Variants in CSMD1 observed in about 807,000 individuals in gnomAD.
CSMD1 encodes CUB and sushi domain-containing protein 1.
A neutral mutation model predicts 417.5 loss-of-function variants in CSMD1; 213 were observed. That is an observed-to-expected ratio of 0.51 (90% CI 0.46 to 0.57). The LOEUF (loss-of-function observed/expected upper bound fraction) is 0.57. Among genes scored for constraint, CSMD1 ranks in the 20% least tolerant of loss-of-function variants. The probability of loss-of-function intolerance (pLI) is 0.00; values close to 1 mark genes in which losing one functional copy is unlikely to be tolerated. For synonymous variants in CSMD1, 2,862 were observed against 1,736.8 expected (o/e 1.65, Z -16.11); for missense variants, 6,923 against 4,529.7 (o/e 1.53, Z -15.17).
At chr8:4,156,406 A>G (rs17069157) in intron 3 of CSMD1, among the ~76,000 whole-genome samples, 35,595 of 152,078 alleles carry the variant, frequency 0.23, 4,333 homozygotes, top group South Asian at 0.36. Flanking sequence ...AAATTTCTCA[A>G]TGAGTCTCTG....
At chr8:3,730,043 T>C (rs559641325) in intron 6 of CSMD1, among the ~76,000 whole-genome samples, 2 of 150,864 alleles carry the variant, frequency 1.3e-5, no homozygotes, top group South Asian at 4.2e-4. Context: ...TGCAAGTGTT[T>C]CCACAGGTCC....
At chr8:3,942,525 G>C (rs542553776) in intron 5 of CSMD1, among the ~76,000 whole-genome samples, 152 of 152,240 alleles carry the variant, frequency 1.0e-3, no homozygotes, top group African/African-American at 3.2e-3. Context: ...CTCAACCCAG[G>C]AGGACACCGG....
chr8:4,260,452 T>C (rs554608807), intron 3 of CSMD1, among the ~76,000 whole-genome samples: 21 of 152,244 alleles, frequency 1.4e-4, no homozygotes, highest in African/African-American at 4.1e-4. Context: ...TGAGTGTGGG[T>C]TGGGGATGTT....
intron 1 of CSMD1, among the ~76,000 whole-genome samples, chr8:4,871,414 C>T (rs752749733): frequency 3.4e-4 from 52 of 152,152 alleles, no homozygotes; most frequent in African/African-American, 1.3e-3. Context: ...TATCTAACAC[C>T]ATGAGTTCCA....
At chr8:3,420,288 C>A (rs1329202006) in intron 12 of CSMD1, among the ~76,000 whole-genome samples, 2 of 151,918 alleles carry the variant, frequency 1.3e-5, no homozygotes, top group Non-Finnish European at 2.9e-5. Flanking sequence ...CTACACAATA[C>A]CAACCAGGAC....
rs140194177 is a variant in CSMD1 at position 3,243,329 on chromosome 8, G to A, written c.4154-13098C>T. Among the ~76,000 whole-genome samples the A allele has an allele frequency of 9.4e-3, 1,426 of 152,254 alleles. 22 individuals are homozygous for A. Among genetic ancestry groups the A allele is most frequent in the African/African-American group, 0.032 (1,333 of 41,550 alleles). On this transcript the variant is annotated intron_variant, in intron 26 of 69. Transcript: ENST00000635120. ...AGTCACAGCACCACATTTCACTCGC[G>A]TCCATGTGAAGACACCACCAAACAG...
chr8:3,714,423 G>C (rs1024107235), intron 6 of CSMD1, among the ~76,000 whole-genome samples: 11 of 151,250 alleles, frequency 7.3e-5, no homozygotes, highest in Non-Finnish European at 1.5e-4. Flanking sequence ...TGGGAAAACA[G>C]TGTATTTAGA....
At chr8:4,139,883 G>A (rs897557738) in intron 3 of CSMD1, among the ~76,000 whole-genome samples, 4 of 150,922 alleles carry the variant, frequency 2.7e-5, no homozygotes, top group Non-Finnish European at 4.4e-5. Context: ...ATGTTCATCA[G>A]AAGCAAGGGT....
At chr8:3,405,345 C>G (rs985258730) in intron 15 of CSMD1, among the ~76,000 whole-genome samples, 1 of 152,090 alleles carries the variant, frequency 6.6e-6, no homozygotes, top group African/African-American at 2.4e-5. Flanking sequence ...TTAGAGGCAA[C>G]ATCTTTTTCC....
chr8:3,777,120 CTACA>C (rs1246090337), intron 5 of CSMD1, among the ~76,000 whole-genome samples: 11 of 43,966 alleles, frequency 2.5e-4, no homozygotes, highest in Non-Finnish European at 4.5e-4. Flanking sequence ...CTATCTATAC[CTACA>C]CACACACACA....
In CSMD1 at chr8:4,413,541, A is replaced by T. The variant is rs1796763112; in HGVS notation, c.415+6412T>A. On this transcript the variant is annotated intron_variant, in intron 3 of 69. Transcript: ENST00000635120. The stretch of plus-strand genomic sequence containing the variant: ...AGAAAATGTTAGTGTTCATGTACTG[A>T]CAGCACTAATTCTTTTAAAAAATTA... 2.6e-5 allele frequency among the ~76,000 whole-genome samples: 4 copies of T among 152,256 alleles called. No homozygotes were observed. The South Asian group carries it at 8.3e-4, about 32-fold the overall frequency.
rs528920251 is a variant in CSMD1, at chr8:3,332,356, C to T, written c.3631+10938G>A. Among the ~76,000 whole-genome samples the T allele has an allele frequency of 1.4e-4, 22 of 152,326 alleles. No individual in the cohort carries two copies. In the East Asian group the frequency reaches 2.7e-3, roughly 19 times the overall value. On this transcript the variant is annotated intron_variant, in intron 23 of 69. Transcript: ENST00000635120. ...AAGGTGGGGTTGCTGAGGGCTTGCC[C>T]GCTCCTCACCCACCTCCAGACATCT...
chr8:3,207,952 C>T (rs1797398052), intron 30 of CSMD1, among the ~76,000 whole-genome samples: 1 of 152,178 alleles, frequency 6.6e-6, no homozygotes, highest in South Asian at 2.1e-4. Flanking sequence ...GCTGGCATCA[C>T]TCACTCTACC....
At chr8:4,182,271 T>C (rs193264791) in intron 3 of CSMD1, among the ~76,000 whole-genome samples, 15 of 152,264 alleles carry the variant, frequency 9.9e-5, no homozygotes, top group Non-Finnish European at 1.5e-4. Flanking sequence ...ATCGTTTGCA[T>C]GATTTGTTTA....
At chr8:3,556,419 A>G (rs1799149929) in intron 10 of CSMD1, among the ~76,000 whole-genome samples, 2 of 146,010 alleles carry the variant, frequency 1.4e-5, no homozygotes, top group South Asian at 4.3e-4. Flanking sequence ...ATATATTCAC[A>G]CACACAAAGA....
At chr8:4,119,701 G>A (rs1348534755) in intron 3 of CSMD1, among the ~76,000 whole-genome samples, 4 of 152,202 alleles carry the variant, frequency 2.6e-5, no homozygotes, top group African/African-American at 7.2e-5. Context: ...GAACCACAGT[G>A]GGCTGGCAGT....
chr8:3,684,594 G>A (rs943137943), intron 7 of CSMD1, among the ~76,000 whole-genome samples: 13 of 137,584 alleles, frequency 9.4e-5, no homozygotes, highest in African/African-American at 2.9e-4. Flanking sequence ...TACTGATACA[G>A]TCTTTTTTTT....
chr8:3,102,500 G>C (rs185847624), intron 46 of CSMD1, among the ~76,000 whole-genome samples: 394 of 152,250 alleles, frequency 2.6e-3, no homozygotes, highest in South Asian at 0.014. Flanking sequence ...GTAACTGTCT[G>C]TGACAAATGA....
intron 4 of CSMD1, among the ~76,000 whole-genome samples, chr8:4,022,574 C>T (rs901168143): frequency 2.0e-5 from 3 of 152,128 alleles, no homozygotes; most frequent in African/African-American, 7.2e-5. Context: ...GCATTGAGGG[C>T]ACGAGTAAAG....
Sources: gnomAD v4.1 joint callset for allele counts (sites outside exome capture counted in the v4.1 genomes callset) on GRCh38, gnomAD v4.1.1 for gene constraint, MANE v1.5 for transcripts, NCBI Gene and HGNC (gene_info 2026-07-23, HGNC 2026-07-21) for gene names.